The following BCAS3 variants were observed in gnomAD, a reference collection of about 807,000 sequenced individuals.
BCAS3 encodes the protein BCAS4/BCAS3 fusion.
In BCAS3, 53 loss-of-function variants were observed where a neutral mutation model predicts 116.1. The ratio of observed to expected loss-of-function variants is 0.46; its 90% CI spans 0.37 to 0.57. BCAS3 has a LOEUF of 0.57. Among genes scored for constraint, BCAS3 ranks in the 20% least tolerant of loss-of-function variants. BCAS3 has a pLI of 0.00. For synonymous variants in BCAS3, 391 were observed against 408.2 expected (o/e 0.96, Z 0.51); for missense variants, 917 against 1,165.4 (o/e 0.79, Z 3.10).
chr17:61,100,445 T>C (rs1376799168), intron 22 of BCAS3, among the ~76,000 whole-genome samples: 3 of 152,202 alleles, frequency 2.0e-5, no homozygotes, highest in African/African-American at 4.8e-5. Context: ...TTTTCATTTC[T>C]CTTGAAACAT....
intron 22 of BCAS3, among the ~76,000 whole-genome samples, chr17:61,206,925 G>GTTT (rs537375467): frequency 1.4e-5 from 2 of 143,378 alleles, no homozygotes; most frequent in South Asian, 4.4e-4. Flanking sequence ...GGTTTTTGGT[G>GTTT]TTTTTTTTTT....
intron 5 of BCAS3, among the ~76,000 whole-genome samples, chr17:60,733,960 G>A (rs1273452971): frequency 1.3e-5 from 2 of 152,032 alleles, no homozygotes; most frequent in South Asian, 2.1e-4. Flanking sequence ...TTTATGGCTC[G>A]GCTTATGCTC....
intron 8 of BCAS3, among the ~76,000 whole-genome samples, chr17:60,871,342 A>AT (rs960642054): frequency 1.4e-4 from 21 of 151,546 alleles, no homozygotes; most frequent in South Asian, 2.1e-4. Context: ...TTTTTTTAAC[A>AT]TTTTTTTTGT....
chr17:60,821,116 T>A (rs1298490703), intron 7 of BCAS3, among the ~76,000 whole-genome samples: 3 of 152,124 alleles, frequency 2.0e-5, no homozygotes, highest in Non-Finnish European at 4.4e-5. Context: ...CTGGCTAATA[T>A]TTGTATTTTT....
At position 61,315,441 on chromosome 17, in the gene BCAS3, C is replaced by T. The variant is rs1037886465; in HGVS notation, c.2426-52886C>T. Among the ~76,000 whole-genome samples, 6 of 152,178 alleles carry T rather than the reference C, an allele frequency of 3.9e-5. No individual in the cohort carries two copies. Among genetic ancestry groups the T allele is most frequent in the East Asian group, 3.9e-4 (2 of 5,182 alleles). On this transcript the variant is annotated intron_variant, in intron 22 of 23. Coordinates refer to ENST00000407086, the MANE Select transcript of BCAS3 (RefSeq NM_017679.5). This position sits in a 1 kb window ranked among gnomAD's most constrained non-coding sequence, Gnocchi z 5.3. ...GCCAACGCACTCCTGTTCTGAGACA[C>T]GGGAGGGCATGCAGAGCAGTCTCGG... is the stretch of plus-strand genomic sequence containing the variant.
rs900240892 is a variant in BCAS3 at position 61,390,016 on chromosome 17, G to C, written c.2594-1961G>C. Reference sequence around the variant, plus strand: ...TGGTGGCCCTGCCTGCTCCTTCCTCGGGGGCTTTCTTCCTTAGGCCTGGCG... The same window carrying C: ...TGGTGGCCCTGCCTGCTCCTTCCTCCGGGGCTTTCTTCCTTAGGCCTGGCG... On this transcript the variant is annotated intron_variant, in intron 23 of 23. Transcript: ENST00000407086. The surrounding 1 kb of genome is among the most constrained non-coding windows in gnomAD (Gnocchi z 6.8). 6.6e-6 allele frequency: 1 copy of C among 152,320 alleles called. No individual in the cohort carries two copies. Among genetic ancestry groups the C allele is most frequent in the Non-Finnish European group, 1.5e-5 (1 of 68,102 alleles). 9.4% of individuals were successfully genotyped at this position (152,320 alleles called of 1,614,324 possible).
At chr17:60,966,546 T>C (rs988458201) in intron 14 of BCAS3, among the ~76,000 whole-genome samples, 2 of 151,914 alleles carry the variant, frequency 1.3e-5, no homozygotes, top group African/African-American at 2.4e-5. Flanking sequence ...ATAATAGATA[T>C]AACAAGTTAT....
chr17:60,705,339 C>T (rs2036974999), intron 4 of BCAS3, among the ~76,000 whole-genome samples: 1 of 151,924 alleles, frequency 6.6e-6, no homozygotes, highest in South Asian at 2.1e-4. Flanking sequence ...GCCAACATGG[C>T]GAAACCCTGT....
intron 19 of BCAS3, among the ~76,000 whole-genome samples, chr17:61,050,443 G>T (rs372101488): frequency 4.0e-5 from 6 of 151,860 alleles, no homozygotes; most frequent in South Asian, 4.2e-4. Flanking sequence ...TAGCATAAAG[G>T]CCAGGGGGGT....
At chr17:60,808,240 A>G in intron 7 of BCAS3, 164 bp downstream of exon 7, 1 of 552,914 alleles carries the variant, frequency 1.8e-6, no homozygotes, top group Non-Finnish European at 3.1e-6. Flanking sequence ...AGTAAATGAC[A>G]TTTATTGATG....
chr17:60,711,600 G>A (rs1008402727), intron 5 of BCAS3, among the ~76,000 whole-genome samples: 1 of 151,958 alleles, frequency 6.6e-6, no homozygotes, highest in African/African-American at 2.4e-5. Context: ...TATAATTGGG[G>A]ATATTAATTT....
chr17:60,852,572 A>G (rs1442601187), intron 7 of BCAS3, among the ~76,000 whole-genome samples: 1 of 152,198 alleles, frequency 6.6e-6, no homozygotes, highest in Non-Finnish European at 1.5e-5. Context: ...TTTGTTATGT[A>G]TGTTAAGAAT....
intron 5 of BCAS3, among the ~76,000 whole-genome samples, chr17:60,732,537 G>A (rs2040560662): frequency 6.6e-6 from 1 of 152,084 alleles, no homozygotes; most frequent in Admixed American, 6.6e-5. Context: ...AGGAAGTAAT[G>A]TATTAGTGAG....
Position 61,324,307 on chromosome 17 carries a change from T to G in BCAS3, c.2426-44020T>G, listed in dbSNP as rs2055553806. On this transcript the variant is annotated intron_variant, in intron 22 of 23. Coordinates refer to ENST00000407086, the MANE Select transcript of BCAS3 (RefSeq NM_017679.5). The surrounding 1 kb of genome is among the most constrained non-coding windows in gnomAD (Gnocchi z 4.6). ...GAAACTGAAGCCTAGAGCTAATATG[T>G]GAGGTGATCACACAGAGGATACTAG... 6.6e-6 allele frequency among the ~76,000 whole-genome samples: 1 copy of G among 152,126 alleles called. No individual in the cohort carries two copies. Among genetic ancestry groups the G allele is most frequent in the Non-Finnish European group, 1.5e-5 (1 of 68,030 alleles).
intron 13 of BCAS3, among the ~76,000 whole-genome samples, chr17:60,926,747 G>A (rs2059383741): frequency 6.6e-6 from 1 of 151,972 alleles, no homozygotes; most frequent in South Asian, 2.1e-4. Flanking sequence ...TCTGACACTG[G>A]CAGCTGTATT....
At chr17:60,693,065 A>G (rs1321226136) in intron 4 of BCAS3, among the ~76,000 whole-genome samples, 1 of 151,728 alleles carries the variant, frequency 6.6e-6, no homozygotes, top group East Asian at 1.9e-4. Context: ...TAGGAGAAAC[A>G]GGGTTTCACC....
chr17:61,179,469 C>G (rs2079345991), intron 22 of BCAS3, among the ~76,000 whole-genome samples: 1 of 152,144 alleles, frequency 6.6e-6, no homozygotes, highest in Non-Finnish European at 1.5e-5. Context: ...TTGGAGCTTG[C>G]AGGCCTGCCT....
At position 61,374,791 on chromosome 17, in the gene BCAS3, T is replaced by C. The variant is rs189758932; in HGVS notation, c.2593+6297T>C. 3.4e-3 allele frequency among the ~76,000 whole-genome samples: 513 copies of C among 152,360 alleles called. 2 individuals are homozygous for C. Among genetic ancestry groups the C allele is most frequent in the African/African-American group, 0.012 (495 of 41,574 alleles). On this transcript the variant is annotated intron_variant, in intron 23 of 23. Transcript: ENST00000407086. ...CAAAACAATATTACGGCCAGTGCAT[T>C]CTAGTACTTCCTTTTCTTCTATTAT...
intron 22 of BCAS3, among the ~76,000 whole-genome samples, chr17:61,163,937 C>T (rs572082258): frequency 3.5e-5 from 5 of 143,606 alleles, no homozygotes; most frequent in Non-Finnish European, 7.5e-5. Context: ...GCAGAGGTTG[C>T]AGTGAGCCGA....
Sources: allele counts gnomAD v4.1 joint callset (sites outside exome capture counted in the v4.1 genomes callset), GRCh38; gene constraint gnomAD v4.1.1; non-coding constraint Gnocchi (gnomAD v3.1); transcripts MANE v1.5; gene names NCBI Gene and HGNC (gene_info 2026-07-23, HGNC 2026-07-21).